KLKB1: variants seen among roughly 807,000 people sequenced by gnomAD.
KLKB1 encodes the protein plasma kallikrein.
Under a neutral mutation model 73.6 loss-of-function variants are expected in KLKB1, and 58 were observed. The ratio of observed to expected loss-of-function variants is 0.79; its 90% CI spans 0.64 to 0.98. The LOEUF (loss-of-function observed/expected upper bound fraction) is 0.98, where lower values mean the gene tolerates loss of function less well. KLKB1 is among the 50% of genes least tolerant of loss of function. The pLI is 0.00. For missense variants in KLKB1, 737 were observed against 763.8 expected (o/e 0.96, Z 0.41); for synonymous variants, 280 against 258.1 (o/e 1.08, Z -0.81).
chr4:186,223,730 A>C (rs1737080978), upstream of KLKB1, among the ~76,000 whole-genome samples: 3 of 152,270 alleles, frequency 2.0e-5, no homozygotes, highest in Non-Finnish European at 4.4e-5. Context: ...AAAGCATAAA[A>C]GTTTGGAAAT....
At chr4:186,219,245 C>T (rs923694376) in intron 2 of KLKB1, among the ~76,000 whole-genome samples, 2 of 152,116 alleles carry the variant, frequency 1.3e-5, no homozygotes, top group Non-Finnish European at 2.9e-5. Flanking sequence ...CAATACTTGG[C>T]ATCCTTCAAT....
At position 186,257,350 on chromosome 4, in the gene KLKB1, A is replaced by G. The variant is rs1380284024; in HGVS notation, c.1710A>G (p.Gly570=). The change falls in exon 14 of 15, where the codon GGA becomes GGG. Residue 570 remains glycine, a synonymous_variant. Transcript: ENST00000264690. ...RMVCAGYKEG[G]KDACKGDSGG... The stretch of plus-strand genomic sequence containing the variant: ...TCTGTGCTGGCTATAAAGAAGGGGG[A>G]AAAGATGCTTGTAAGGTAACTCATG... 2 of 1,588,154 alleles carry G rather than the reference A, an allele frequency of 1.3e-6. No individual in the cohort carries two copies. The highest frequency in any genetic ancestry group is 1.7e-6 in the Non-Finnish European group (2 of 1,166,106).
intron 13 of KLKB1, 93 bp downstream of exon 13, chr4:186,256,180 T>C: frequency 1.3e-6 from 1 of 767,314 alleles, no homozygotes; most frequent in Non-Finnish European, 2.4e-6. Flanking sequence ...TGTCTGAAAT[T>C]ATATCTAAAC....
Position 186,216,682 on chromosome 4 carries a change from G to A in KLKB1, c.201+7410G>A, listed in dbSNP as rs1161848205. Reference sequence around the variant, plus strand: ...TTGGAATATTCAGTGCTTTGGGATGGTAGGGGTGAAATCCCCATGTTCTTT... The same window carrying A: ...TTGGAATATTCAGTGCTTTGGGATGATAGGGGTGAAATCCCCATGTTCTTT... On this transcript the variant is annotated intron_variant, in intron 2 of 14. Transcript: ENST00000511608. Among the ~76,000 whole-genome samples, 6 of 152,142 alleles carry A rather than the reference G, an allele frequency of 3.9e-5. No homozygotes were observed. The East Asian group carries it at 1.2e-3, about 29-fold the overall frequency.
intron 13 of KLKB1, 24 bp downstream of exon 13, chr4:186,256,111 G>T: frequency 7.0e-7 from 1 of 1,437,754 alleles, no homozygotes; most frequent in Non-Finnish European, 9.8e-7. Flanking sequence ...TTTAAATATT[G>T]CTTCTAGAGT....
At chr4:186,251,712 G>A (rs1381445221) in intron 9 of KLKB1, 37 bp from the exon 10 acceptor site, 2 of 1,605,626 alleles carry the variant, frequency 1.2e-6, no homozygotes, top group African/African-American at 2.7e-5. Context: ...CTTTCCCCCT[G>A]TGAAGGCTTA....
chr4:186,251,374 A>G (rs536896640), intron 8 of KLKB1, 46 bp downstream of exon 8: 4 of 1,524,472 alleles, frequency 2.6e-6, no homozygotes, highest in East Asian at 2.3e-5. Flanking sequence ...AACCTATTTC[A>G]TGACTTTTAA....
At chr4:186,237,380 AGCCACTGC>A (rs1202497193) in intron 5 of KLKB1, among the ~76,000 whole-genome samples, 6 of 152,196 alleles carry the variant, frequency 3.9e-5, no homozygotes, top group Non-Finnish European at 8.8e-5. Context: ...TACAGGCATG[AGCCACTGC>A]GCCTCGCCCT....
At chr4:186,212,514 A>C (rs1032178162) in intron 2 of KLKB1, 2 of 152,200 alleles carry the variant, frequency 1.3e-5, no homozygotes, top group African/African-American at 4.8e-5. Flanking sequence ...TTTTGTTTTC[A>C]ATTTTTATTC....
chr4:186,226,503 G>C (rs2126620127), upstream of KLKB1: 2 of 152,642 alleles, frequency 1.3e-5, no homozygotes, highest in South Asian at 4.1e-4. Flanking sequence ...GGAAGGGCTG[G>C]ATTCTGGGTT....
intron 6 of KLKB1, among the ~76,000 whole-genome samples, chr4:186,240,519 C>T (rs1414674726): frequency 1.2e-4 from 18 of 152,120 alleles, no homozygotes; most frequent in Non-Finnish European, 1.3e-4. Flanking sequence ...ATGGAATTAT[C>T]CAGAAAATTG....
At chr4:186,240,799 A>AT (rs1006349049) in intron 6 of KLKB1, among the ~76,000 whole-genome samples, 1 of 151,910 alleles carries the variant, frequency 6.6e-6, no homozygotes, top group Non-Finnish European at 1.5e-5. Context: ...CGTTCATATT[A>AT]TTTTTTTCTG....
intron 6 of KLKB1, among the ~76,000 whole-genome samples, chr4:186,240,788 A>C (rs1263449780): frequency 1.3e-5 from 2 of 152,100 alleles, no homozygotes; most frequent in African/African-American, 4.8e-5. Flanking sequence ...TTTAATTTTA[A>C]CGTTCATATT....
chr4:186,252,647 G>A (rs9799549), intron 11 of KLKB1, among the ~76,000 whole-genome samples: 7 of 8,974 alleles, frequency 7.8e-4, no homozygotes, highest in African/African-American at 2.7e-3. Context: ...CACCGATCCC[G>A]CCACCAATCC....
At chr4:186,251,188 T>G in intron 7 of KLKB1, 31 bp from the exon 8 acceptor site, 1 of 1,471,398 alleles carries the variant, frequency 6.8e-7, no homozygotes, top group Middle Eastern at 1.8e-4. Context: ...AATTTCTTTC[T>G]TTCTCTCTTG....
At position 186,255,980 on chromosome 4, in the gene KLKB1, A is replaced by G; in HGVS notation, c.1490-12A>G. 6.5e-7 allele frequency: 1 copy of G among 1,544,478 alleles called. No homozygotes were observed. The highest frequency in any genetic ancestry group is 9.0e-7 in the Non-Finnish European group (1 of 1,116,764). On this transcript the variant is annotated splice_polypyrimidine_tract_variant and intron_variant, in intron 12 of 14. Coordinates refer to ENST00000264690, the MANE Select transcript of KLKB1 (RefSeq NM_000892.5). ...TATTTGACCAAACTCTAATTTAAAAATTATGTTTCAGAATTCCAAAAACCA... is the reference window on the plus strand; with the variant it reads ...TATTTGACCAAACTCTAATTTAAAAGTTATGTTTCAGAATTCCAAAAACCA...
chr4:186,257,157 ATAT>A (rs1580047373), intron 13 of KLKB1, 66 bp from the exon 14 acceptor site: 6 of 809,596 alleles, frequency 7.4e-6, no homozygotes, highest in African/African-American at 5.3e-5. Flanking sequence ...AATATTCCCA[ATAT>A]TATTATTTAT....
At chr4:186,246,127 G>A (rs1738333144) in intron 6 of KLKB1, among the ~76,000 whole-genome samples, 2 of 152,052 alleles carry the variant, frequency 1.3e-5, no homozygotes, top group Admixed American at 6.6e-5. Flanking sequence ...ACTGTAAGCT[G>A]GACCGGGTGT....
At chr4:186,236,020 A>G (rs1462020118) in intron 4 of KLKB1, among the ~76,000 whole-genome samples, 2 of 151,050 alleles carry the variant, frequency 1.3e-5, no homozygotes, top group South Asian at 2.1e-4. Context: ...AGGCTGAGGC[A>G]GGAGAATGGC....
Sources: allele counts gnomAD v4.1 joint callset (sites outside exome capture counted in the v4.1 genomes callset), GRCh38; gene constraint gnomAD v4.1.1; transcripts MANE v1.5; gene names NCBI Gene and HGNC (gene_info 2026-07-23, HGNC 2026-07-21).